GRIK2: variants seen among roughly 807,000 people sequenced by gnomAD.
GRIK2 encodes the protein glutamate ionotropic receptor kainate type subunit 2.
In GRIK2, 32 loss-of-function variants were observed where a neutral mutation model predicts 100.3. The ratio of observed to expected loss-of-function variants is 0.32; its 90% CI spans 0.24 to 0.43. The LOEUF is 0.43. GRIK2 is among the 20% of genes least tolerant of loss of function. The probability of loss-of-function intolerance (pLI) is 1.00; values close to 1 mark genes in which losing one functional copy is unlikely to be tolerated. For synonymous variants in GRIK2, 417 were observed against 389.4 expected (o/e 1.07, Z -0.83); for missense variants, 843 against 1,114.9 (o/e 0.76, Z 3.47).
chr6:101,750,962 A>G (rs1776749697), intron 7 of GRIK2, among the ~76,000 whole-genome samples: 1 of 152,218 alleles, frequency 6.6e-6, no homozygotes, highest in Admixed American at 6.5e-5. Context: ...TTCTCTCATC[A>G]TTGTGAGATA....
chr6:102,022,754 C>T (rs934526800), intron 14 of GRIK2, among the ~76,000 whole-genome samples: 5 of 151,472 alleles, frequency 3.3e-5, no homozygotes, highest in African/African-American at 9.7e-5. Context: ...TTGATTCAGT[C>T]ACTTCATTCA....
intron 14 of GRIK2, among the ~76,000 whole-genome samples, chr6:102,011,607 A>T: frequency 1.1e-5 from 1 of 89,368 alleles, no homozygotes. Flanking sequence ...TTTTTGAGGC[A>T]GAGTCTCACT....
At chr6:101,880,004 C>G (rs1786135835) in intron 11 of GRIK2, among the ~76,000 whole-genome samples, 1 of 151,944 alleles carries the variant, frequency 6.6e-6, no homozygotes, top group African/African-American at 2.4e-5. Context: ...ATTCATATGG[C>G]TTATTTTAAA....
chr6:102,057,772 C>T (rs999203140), intron 16 of GRIK2, among the ~76,000 whole-genome samples: 1 of 151,844 alleles, frequency 6.6e-6, no homozygotes, highest in African/African-American at 2.4e-5. Context: ...ACTACAGCCA[C>T]ACTACATTTT....
chr6:101,830,510 TAAAAAG>T (rs1299508010), intron 10 of GRIK2, among the ~76,000 whole-genome samples: 1 of 151,474 alleles, frequency 6.6e-6, no homozygotes, highest in East Asian at 1.9e-4. Flanking sequence ...AAAAGGAACT[TAAAAAG>T]AAAAGGAAAT....
intron 7 of GRIK2, among the ~76,000 whole-genome samples, chr6:101,755,132 T>C (rs1201991125): frequency 6.7e-6 from 1 of 150,238 alleles, no homozygotes; most frequent in East Asian, 2.0e-4. Flanking sequence ...AGGATTAGCA[T>C]AAATCATTTC....
At chr6:101,621,782 G>C (rs1163442995) in intron 2 of GRIK2, among the ~76,000 whole-genome samples, 167 bp from the exon 3 acceptor site, 2 of 151,934 alleles carry the variant, frequency 1.3e-5, no homozygotes, top group Non-Finnish European at 2.9e-5. Context: ...CACACCCCAT[G>C]TACTTAAATC....
At chr6:101,988,173 G>T (rs1481307280) in intron 14 of GRIK2, among the ~76,000 whole-genome samples, 1 of 149,084 alleles carries the variant, frequency 6.7e-6, no homozygotes, top group Admixed American at 6.7e-5. Flanking sequence ...ACATGCAAGA[G>T]CATTCTCATG....
At chr6:101,575,874 T>C (rs1777765622) in intron 2 of GRIK2, among the ~76,000 whole-genome samples, 1 of 151,942 alleles carries the variant, frequency 6.6e-6, no homozygotes, top group Non-Finnish European at 1.5e-5. Flanking sequence ...CATTTAAAGG[T>C]TCCTTTTTTG....
chr6:101,741,484 G>A (rs1766321414), intron 7 of GRIK2, among the ~76,000 whole-genome samples: 1 of 152,110 alleles, frequency 6.6e-6, no homozygotes, highest in Non-Finnish European at 1.5e-5. Flanking sequence ...AAACCCTCAG[G>A]AGTACTCAGT....
intron 2 of GRIK2, among the ~76,000 whole-genome samples, chr6:101,575,608 T>A (rs1265995121): frequency 6.6e-6 from 1 of 152,050 alleles, no homozygotes; most frequent in Non-Finnish European, 1.5e-5. Flanking sequence ...CTAGAAAATA[T>A]AGATAGTGTT....
chr6:101,903,032 A>G (rs922685920), intron 12 of GRIK2, among the ~76,000 whole-genome samples: 4 of 151,774 alleles, frequency 2.6e-5, no homozygotes, highest in Non-Finnish European at 5.9e-5. Flanking sequence ...TTATCCTCAT[A>G]GTTACAAGAT....
chr6:101,877,227 A>G (rs2128451532), intron 11 of GRIK2, among the ~76,000 whole-genome samples: 1 of 152,122 alleles, frequency 6.6e-6, no homozygotes, highest in East Asian at 1.9e-4. Context: ...GTTTATGAAT[A>G]CATACAGTTG....
Position 102,060,891 on chromosome 6 carries a change from CAGACCTTA to C in GRIK2, c.2562+5312_2562+5319del, listed in dbSNP as rs1362641118. On this transcript the variant is annotated intron_variant, in intron 16 of 16. Transcript: ENST00000369134. ...TGACTAAAGTTGTGTTGATTCTTGTCAGACCTTATGTATTAATTTTTTAACTTGTTCTT... is the reference window on the plus strand; with the variant it reads ...TGACTAAAGTTGTGTTGATTCTTGTCTGTATTAATTTTTTAACTTGTTCTT... Among the ~76,000 whole-genome samples, 6 of 150,400 alleles carry C rather than the reference CAGACCTTA, an allele frequency of 4.0e-5. No homozygotes were observed. The East Asian group carries it at 1.2e-3, about 29-fold the overall frequency.
chr6:101,586,182 C>T (rs1562243506), intron 2 of GRIK2, among the ~76,000 whole-genome samples: 1 of 151,736 alleles, frequency 6.6e-6, no homozygotes, highest in Non-Finnish European at 1.5e-5. Flanking sequence ...AAATTTGGAA[C>T]TGAAACGCCT....
chr6:101,912,639 T>A (rs2128466241), intron 12 of GRIK2, among the ~76,000 whole-genome samples: 1 of 151,686 alleles, frequency 6.6e-6, no homozygotes, highest in Non-Finnish European at 1.5e-5. Flanking sequence ...GATCTGTTGT[T>A]TCTTAGAATT....
At chr6:101,782,480 A>T (rs1025447642) in intron 7 of GRIK2, among the ~76,000 whole-genome samples, 4 of 152,072 alleles carry the variant, frequency 2.6e-5, no homozygotes, top group African/African-American at 9.7e-5. Context: ...CGCCTCACTT[A>T]TTTCACTTAC....
intron 14 of GRIK2, among the ~76,000 whole-genome samples, chr6:102,011,517 G>A (rs1049013201): frequency 2.7e-5 from 4 of 149,240 alleles, no homozygotes; most frequent in African/African-American, 9.9e-5. Flanking sequence ...TGCAGAGCAA[G>A]GTTTTAAATT....
At chr6:101,438,138 A>G (rs35337951) in intron 2 of GRIK2, among the ~76,000 whole-genome samples, 4,312 of 152,192 alleles carry the variant, frequency 0.028, 83 homozygotes, top group Middle Eastern at 0.061. Flanking sequence ...CATTTGTTAT[A>G]TAGACATTAA....
Sources: allele counts gnomAD v4.1 joint callset (sites outside exome capture counted in the v4.1 genomes callset), GRCh38; gene constraint gnomAD v4.1.1; transcripts MANE v1.5; gene names NCBI Gene and HGNC (gene_info 2026-07-23, HGNC 2026-07-21).